SLC4A4: variants seen among roughly 807,000 people sequenced by gnomAD.
The protein encoded by SLC4A4 is solute carrier family 4 member 4.
SLC4A4 carries 27 observed loss-of-function variants against 111.5 expected under a neutral mutation model. That is an observed-to-expected ratio of 0.24 (90% CI 0.18 to 0.33). SLC4A4 has a LOEUF of 0.33. SLC4A4 is among the 10% of genes least tolerant of loss of function. SLC4A4 has a pLI of 1.00. For synonymous variants in SLC4A4, 443 were observed against 463.4 expected (o/e 0.96, Z 0.57); for missense variants, 909 against 1,315.5 (o/e 0.69, Z 4.78).
chr4:71,426,321 A>G (rs1478189851), intron 7 of SLC4A4, among the ~76,000 whole-genome samples: 1 of 151,996 alleles, frequency 6.6e-6, no homozygotes, highest in Non-Finnish European at 1.5e-5. Flanking sequence ...GTCCATTTAG[A>G]TGGTTGTGGG....
chr4:71,414,589 T>A (rs2149006683), intron 7 of SLC4A4, among the ~76,000 whole-genome samples: 1 of 152,362 alleles, frequency 6.6e-6, no homozygotes, highest in Non-Finnish European at 1.5e-5. Flanking sequence ...GAGAAGTCTA[T>A]GTTTTTTATT....
At chr4:71,082,551 G>C (rs745809681) in intron 1 of SLC4A4, among the ~76,000 whole-genome samples, 1 of 152,038 alleles carries the variant, frequency 6.6e-6, no homozygotes, top group African/African-American at 2.4e-5. Flanking sequence ...CAGGAGAAGA[G>C]TATCTATTTA....
At chr4:71,338,004 T>C (rs1280196960) in intron 3 of SLC4A4, among the ~76,000 whole-genome samples, 1 of 151,950 alleles carries the variant, frequency 6.6e-6, no homozygotes, top group East Asian at 1.9e-4. Context: ...TAATTTTTTG[T>C]ATTTTTTTAG....
At chr4:71,148,676 G>T (rs770809013) in intron 2 of SLC4A4, among the ~76,000 whole-genome samples, 1 of 152,110 alleles carries the variant, frequency 6.6e-6, no homozygotes, top group Non-Finnish European at 1.5e-5. Flanking sequence ...GTGTTGGTTT[G>T]CCAAGGATAA....
intron 1 of SLC4A4, among the ~76,000 whole-genome samples, chr4:71,204,294 AT>A (rs1578590783): frequency 6.6e-6 from 1 of 152,194 alleles, no homozygotes; most frequent in East Asian, 1.9e-4. Context: ...CACAACCCCC[AT>A]GTGGGCGTAG....
intron 16 of SLC4A4, among the ~76,000 whole-genome samples, chr4:71,524,341 C>G (rs1033227181): frequency 6.6e-6 from 1 of 152,090 alleles, no homozygotes; most frequent in African/African-American, 2.4e-5. Flanking sequence ...CTACTGTGTT[C>G]TTTTGAGACA....
At chr4:71,412,519 T>C (rs1236917291) in intron 7 of SLC4A4, among the ~76,000 whole-genome samples, 1 of 152,228 alleles carries the variant, frequency 6.6e-6, no homozygotes, top group African/African-American at 2.4e-5. Flanking sequence ...AAGGATGAAT[T>C]ATATAGGAAA....
At chr4:71,285,040 TCTCTGCAG>T (rs1395454876) in intron 3 of SLC4A4, among the ~76,000 whole-genome samples, 4 of 152,132 alleles carry the variant, frequency 2.6e-5, no homozygotes, top group Non-Finnish European at 5.9e-5. Context: ...GAGAAATTGA[TCTCTGCAG>T]CTCTTGAAGA....
intron 3 of SLC4A4, among the ~76,000 whole-genome samples, chr4:71,275,807 C>G (rs894990704): frequency 1.3e-5 from 2 of 152,214 alleles, no homozygotes; most frequent in African/African-American, 2.4e-5. Context: ...CATAATAACT[C>G]AAACTTACTG....
intron 1 of SLC4A4, among the ~76,000 whole-genome samples, chr4:71,085,148 T>A (rs373633452): frequency 4.6e-5 from 7 of 152,060 alleles, no homozygotes; most frequent in Admixed American, 6.5e-5. Context: ...CATTTCTCTG[T>A]TGGCCAGTGA....
At chr4:71,468,165 A>T (rs997953153) in intron 13 of SLC4A4, among the ~76,000 whole-genome samples, 1 of 152,078 alleles carries the variant, frequency 6.6e-6, no homozygotes, top group Non-Finnish European at 1.5e-5. Context: ...TCCCTTCTCT[A>T]TCATAATTCT....
intron 3 of SLC4A4, among the ~76,000 whole-genome samples, chr4:71,297,704 C>T (rs907794946): frequency 8.6e-5 from 13 of 151,148 alleles, no homozygotes; most frequent in African/African-American, 2.7e-4. Flanking sequence ...TCTCCTGCCT[C>T]GGCCTCCTGA....
chr4:71,218,071 T>C (rs1718537681), intron 1 of SLC4A4, among the ~76,000 whole-genome samples: 2 of 152,222 alleles, frequency 1.3e-5, no homozygotes, highest in Admixed American at 6.5e-5. Flanking sequence ...TTTTTAATAG[T>C]GGCATGTAAA....
intron 23 of SLC4A4, among the ~76,000 whole-genome samples, chr4:71,562,761 T>C (rs1270621271): frequency 6.6e-6 from 1 of 151,854 alleles, no homozygotes; most frequent in Non-Finnish European, 1.5e-5. Context: ...TTAAGATTAA[T>C]ATTGTTTATG....
chr4:71,542,672 A>G (rs1735168876), intron 18 of SLC4A4, among the ~76,000 whole-genome samples: 2 of 152,016 alleles, frequency 1.3e-5, no homozygotes, highest in South Asian at 4.1e-4. Context: ...ACCCCCATGC[A>G]AACCATCCCT....
chr4:71,203,072 G>T (rs1746329934), intron 1 of SLC4A4, among the ~76,000 whole-genome samples: 1 of 152,100 alleles, frequency 6.6e-6, no homozygotes, highest in South Asian at 2.1e-4. Flanking sequence ...TGTTTGGGAA[G>T]AGTGAATATG....
chr4:71,254,651 T>TAA (rs200059466), intron 2 of SLC4A4, among the ~76,000 whole-genome samples: 3 of 141,626 alleles, frequency 2.1e-5, no homozygotes, highest in African/African-American at 5.2e-5. Context: ...GCTGATTAGG[T>TAA]AAAAAAAAAA....
At chr4:71,192,742 C>G (rs1745790900) in intron 1 of SLC4A4, among the ~76,000 whole-genome samples, 2 of 152,040 alleles carry the variant, frequency 1.3e-5, no homozygotes, top group African/African-American at 4.8e-5. Flanking sequence ...ATCATACCAT[C>G]AGTGGACATC....
At chr4:71,234,435 C>CT (rs912728120) in intron 1 of SLC4A4, among the ~76,000 whole-genome samples, 89 of 152,142 alleles carry the variant, frequency 5.8e-4, no homozygotes, top group African/African-American at 2.0e-3. Flanking sequence ...TAAGTCTTTT[C>CT]TTTTTTTTGA....
Sources: allele counts gnomAD v4.1 joint callset (sites outside exome capture counted in the v4.1 genomes callset), GRCh38; gene constraint gnomAD v4.1.1; transcripts MANE v1.5; gene names NCBI Gene and HGNC (gene_info 2026-07-23, HGNC 2026-07-21).